SCAI: variants seen among roughly 807,000 people sequenced by gnomAD.
SCAI encodes protein SCAI.
In SCAI, 24 loss-of-function variants were observed where a neutral mutation model predicts 92.2. That is an observed-to-expected ratio of 0.26 (90% CI 0.19 to 0.37). The LOEUF is 0.37. SCAI is among the 10% of genes least tolerant of loss of function. The pLI, the probability that SCAI is intolerant of heterozygous loss-of-function variation, is 1.00. For missense variants in SCAI, 450 were observed against 736.2 expected, an observed-to-expected ratio of 0.61 and a Z score of 4.50; for synonymous variants, 261 against 258.6, an observed-to-expected ratio of 1.01 and a Z score of -0.09.
At position 124,968,587 on chromosome 9, in the gene SCAI, C is replaced by T. The variant is rs1831587848; in HGVS notation, c.1674+2783G>A. 7 of 934,808 alleles carry T rather than the reference C, an allele frequency of 7.5e-6. No individual in the cohort carries two copies. The South Asian group carries it at 7.8e-5, about 10-fold the overall frequency. 57.9% of individuals were successfully genotyped at this position (934,808 alleles called of 1,614,324 possible). On this transcript the variant is annotated intron_variant, in intron 17 of 17. Coordinates refer to ENST00000336505, the MANE Select transcript of SCAI (RefSeq NM_001144877.3). Reference sequence around the variant, plus strand: ...TCCTCAAACGTGTATGGCTTGTCTGCAAGGTCTTCAAAAAACTCTGCTAAA... The same window carrying T: ...TCCTCAAACGTGTATGGCTTGTCTGTAAGGTCTTCAAAAAACTCTGCTAAA...
chr9:125,064,520 G>A (rs1170742965), intron 2 of SCAI, among the ~76,000 whole-genome samples: 3 of 152,150 alleles, frequency 2.0e-5, no homozygotes, highest in Middle Eastern at 3.2e-3. Context: ...CACACTGCAA[G>A]TAAGTGAGAA....
intron 9 of SCAI, among the ~76,000 whole-genome samples, chr9:125,012,849 C>G (rs1391096312): frequency 6.6e-6 from 1 of 152,158 alleles, no homozygotes; most frequent in Non-Finnish European, 1.5e-5. Context: ...ACAGTGCAAT[C>G]AAACTAGAAC....
intron 3 of SCAI, among the ~76,000 whole-genome samples, chr9:125,042,050 A>G (rs1833326584): frequency 6.6e-6 from 1 of 152,206 alleles, no homozygotes; most frequent in African/African-American, 2.4e-5. Flanking sequence ...TTTGGTCATT[A>G]TTACTGTCAG....
At chr9:125,031,684 T>C (rs1469847194) in intron 3 of SCAI, among the ~76,000 whole-genome samples, 1 of 152,208 alleles carries the variant, frequency 6.6e-6, no homozygotes, top group Non-Finnish European at 1.5e-5. Flanking sequence ...GGTACAAACA[T>C]TGTCATTAAA....
At chr9:124,999,173 G>T (rs189247862) in intron 13 of SCAI, among the ~76,000 whole-genome samples, 2 of 152,030 alleles carry the variant, frequency 1.3e-5, no homozygotes, top group Non-Finnish European at 1.5e-5. Context: ...TGGATCACAA[G>T]GTCAGGAGTT....
intron 2 of SCAI, among the ~76,000 whole-genome samples, chr9:125,137,857 C>T (rs1835573278): frequency 6.6e-6 from 1 of 152,222 alleles, no homozygotes; most frequent in Non-Finnish European, 1.5e-5. Context: ...CCGCCTCAGC[C>T]TCCCAAAGTG....
At chr9:124,965,813 C>G (rs982332024) in intron 17 of SCAI, among the ~76,000 whole-genome samples, 1 of 152,132 alleles carries the variant, frequency 6.6e-6, no homozygotes, top group Admixed American at 6.6e-5. Flanking sequence ...TTCTTGGGAG[C>G]ACTTGAAGCA....
chr9:125,082,578 G>A (rs1221233884), intron 2 of SCAI, among the ~76,000 whole-genome samples: 3 of 152,218 alleles, frequency 2.0e-5, no homozygotes, highest in Non-Finnish European at 4.4e-5. Flanking sequence ...CTCAATGCCA[G>A]CCCATGAAAG....
chr9:124,963,145 T>TG (rs1831474514), intron 17 of SCAI, among the ~76,000 whole-genome samples: 2 of 149,708 alleles, frequency 1.3e-5, no homozygotes, highest in African/African-American at 4.9e-5. Context: ...AAAGAATTTT[T>TG]TCCCCCCCGA....
At chr9:124,975,149 G>A (rs897317373) in intron 15 of SCAI, 2 of 298,686 alleles carry the variant, frequency 6.7e-6, no homozygotes, top group Admixed American at 4.4e-5. Flanking sequence ...GAATTTTACC[G>A]TTGTTTGAAG....
intron 2 of SCAI, among the ~76,000 whole-genome samples, chr9:125,123,493 CA>C (rs1427921916): frequency 6.6e-6 from 1 of 151,760 alleles, no homozygotes; most frequent in East Asian, 1.9e-4. Flanking sequence ...TCCTAACTGG[CA>C]GGCCGGGTGT....
chr9:125,029,564 A>G (rs570203902), intron 4 of SCAI, 80 bp downstream of exon 4: 13 of 694,404 alleles, frequency 1.9e-5, no homozygotes, highest in Non-Finnish European at 2.8e-5. Flanking sequence ...CAAGACAAAA[A>G]GCACTGAAGT....
chr9:124,953,618 G>A lies in SCAI; in HGVS notation c.1675-665C>T, dbSNP rs1831268083. Among the ~76,000 whole-genome samples, 4 of 152,122 alleles carry A rather than the reference G, an allele frequency of 2.6e-5. No individual in the cohort carries two copies. The South Asian group carries it at 8.3e-4, about 32-fold the overall frequency. ...TCCAGCCCAGGTGTTTCACCATGTT[G>A]GCCAGCCTGGTCTCGAACTCCTGAA... On this transcript the variant is annotated intron_variant, in intron 17 of 17. Transcript: ENST00000336505.
chr9:125,101,575 G>A (rs529910133), intron 2 of SCAI, among the ~76,000 whole-genome samples: 1 of 152,300 alleles, frequency 6.6e-6, no homozygotes, highest in South Asian at 2.1e-4. Flanking sequence ...CTTTGGAAGT[G>A]TTAGGGTTGA....
intron 2 of SCAI, among the ~76,000 whole-genome samples, chr9:125,121,208 T>A (rs113874777): frequency 2.0e-5 from 3 of 150,524 alleles, no homozygotes; most frequent in African/African-American, 4.9e-5. Flanking sequence ...AGTTTCAGCG[T>A]GAACAAGGTA....
Position 125,008,462 on chromosome 9 carries a change from G to C in SCAI, c.862-4892C>G, listed in dbSNP as rs1832561846. ...ATATTTGTATTTTTTGTAGAAATGG[G>C]GTTTCATCATGCTGCCCAGGCTAGG... On this transcript the variant is annotated intron_variant, in intron 9 of 17. Transcript: ENST00000336505. Among the ~76,000 whole-genome samples, 3 of 152,174 alleles carry C rather than the reference G, an allele frequency of 2.0e-5. No homozygotes were observed. In the South Asian group the frequency reaches 6.2e-4, roughly 32 times the overall value.
At chr9:125,090,350 G>A (rs1834406171) in intron 2 of SCAI, among the ~76,000 whole-genome samples, 1 of 151,260 alleles carries the variant, frequency 6.6e-6, no homozygotes, top group African/African-American at 2.5e-5. Flanking sequence ...GTGGAGGAGA[G>A]AGGAGGAGGA....
At position 125,020,588 on chromosome 9, in the gene SCAI, T is replaced by C. The variant is rs991066191; in HGVS notation, c.609+85A>G. 4.7e-5 allele frequency: 29 copies of C among 621,890 alleles called. No homozygotes were observed. In the African/African-American group the frequency reaches 5.2e-4, roughly 11 times the overall value. 38.5% of individuals were successfully genotyped at this position (621,890 alleles called of 1,614,324 possible). ...TGTAATTATTGATATATCAAAATTA[T>C]TTTAACCTAAAATCTGTTTTTTAAA... On this transcript the variant is annotated intron_variant, in intron 7 of 17. Coordinates refer to ENST00000336505, the MANE Select transcript of SCAI (RefSeq NM_001144877.3).
chr9:124,959,066 T>C (rs1459447866), intron 17 of SCAI, among the ~76,000 whole-genome samples: 1 of 151,870 alleles, frequency 6.6e-6, no homozygotes, highest in Non-Finnish European at 1.5e-5. Flanking sequence ...TTGATGAAAT[T>C]TTATTTTTTA....
Sources: allele counts gnomAD v4.1 joint callset (sites outside exome capture counted in the v4.1 genomes callset), GRCh38; gene constraint gnomAD v4.1.1; transcripts MANE v1.5; gene names NCBI Gene and HGNC (gene_info 2026-07-23, HGNC 2026-07-21).